Variants in MMP13 observed in about 807,000 individuals in gnomAD.
MMP13 encodes the protein collagenase 3.
A neutral mutation model predicts 52.1 loss-of-function variants in MMP13; 45 were observed. The observed-to-expected ratio is 0.86, with a 90% CI of 0.68 to 1.11. The LOEUF is 1.11. MMP13 is among the 50% of genes least tolerant of loss of function. MMP13 has a pLI of 0.00. For synonymous variants in MMP13, 200 were observed against 204.4 expected, an observed-to-expected ratio of 0.98 and a Z score of 0.18; for missense variants, 576 against 583.8, an observed-to-expected ratio of 0.99 and a Z score of 0.14.
At chr11:102,951,307 C>A (rs1555017283) in intron 5 of MMP13, among the ~76,000 whole-genome samples, 1 of 152,136 alleles carries the variant, frequency 6.6e-6, no homozygotes, top group East Asian at 1.9e-4. Context: ...ACTTTCACCA[C>A]CAACCTTGTT....
chr11:102,954,227 A>G lies in MMP13; in HGVS notation c.566T>C (p.Phe189Ser). The G allele has an allele frequency of 1.9e-6, 3 of 1,613,710 alleles. No individual in the cohort carries two copies. Among genetic ancestry groups the G allele is most frequent in the Non-Finnish European group, 2.5e-6 (3 of 1,179,746 alleles). The change falls in exon 4 of 10, where the codon TTT (phenylalanine) becomes TCT (serine). Residue 189 changes from phenylalanine to serine, a missense_variant. Coordinates refer to ENST00000260302, the MANE Select transcript of MMP13 (RefSeq NM_002427.4). ...TCCTCCATAATTTGGCCCAGGAGGA[A>G]AAGCATGAGCCAGCAGGCCAGAGGG... ...DGPSGLLAHA[F>S]PPGPNYGGDA... is the part of the protein sequence containing the mutation.
chr11:102,945,194 A>C (rs1555016514), intron 9 of MMP13: 4 of 588,624 alleles, frequency 6.8e-6, no homozygotes, highest in Non-Finnish European at 1.1e-5. Context: ...CAGCGAGCTC[A>C]GATTGCGACA....
At position 102,949,908 on chromosome 11, in the gene MMP13, C is replaced by A. The variant is rs1472491407; in HGVS notation, c.917+202G>T. Among the ~76,000 whole-genome samples, 1 of 152,164 alleles carries A rather than the reference C, an allele frequency of 6.6e-6. No homozygotes were observed. The highest frequency in any genetic ancestry group is 1.5e-5 in the Non-Finnish European group (1 of 68,020). On this transcript the variant is annotated intron_variant, in intron 6 of 9. Transcript: ENST00000260302. This position sits in a 1 kb window ranked among gnomAD's most constrained non-coding sequence, Gnocchi z 4.2. ...TAACTAGAGATGTAAAAGGAAGCTA[C>A]ACAATGTCAAGGTTATACGTTGAAA...
intron 9 of MMP13, among the ~76,000 whole-genome samples, chr11:102,945,423 G>A (rs1479204904): frequency 1.3e-5 from 2 of 151,954 alleles, no homozygotes; most frequent in African/African-American, 4.8e-5. Context: ...TTAGCATCTC[G>A]TATTTATAGA....
intron 8 of MMP13, 126 bp downstream of exon 8, chr11:102,947,765 T>C: frequency 2.7e-6 from 3 of 1,091,442 alleles, no homozygotes; most frequent in Non-Finnish European, 4.1e-6. Context: ...AGAGCTGACA[T>C]GGAATGAAAA....
chr11:102,943,962 T>A lies in MMP13; in HGVS notation c.*304A>T. ...TTTCCTTATAAATATATTTTTAAAT[T>A]ATGCTCTCATTGACAGACCATGTGT... On this transcript the variant is annotated 3_prime_UTR_variant, in exon 10 of 10. Coordinates refer to ENST00000260302, the MANE Select transcript of MMP13 (RefSeq NM_002427.4). 3.4e-6 allele frequency: 1 copy of A among 296,986 alleles called. No homozygotes were observed. Among genetic ancestry groups the A allele is most frequent in the South Asian group, 3.8e-5 (1 of 26,452 alleles). The allele number at this position is 296,986 out of a possible 1,614,324, so 18.4% of individuals were successfully genotyped here. A position where few individuals can be genotyped will look rare whatever the true frequency, so the allele number is the denominator to read the frequency against.
At position 102,955,351 on chromosome 11, in the gene MMP13, A is replaced by G. The variant is rs776419636; in HGVS notation, c.263T>C (p.Leu88Ser). ...EVTGKLDDNT[L>S]DVMKKPRCGV... is the part of the protein sequence containing the mutation. ...GCATCTTGGCTTTTTCATGACATCTAAGGTGTTATCGTCAAGTTTGCCAGT... is the reference window on the plus strand; with the variant it reads ...GCATCTTGGCTTTTTCATGACATCTGAGGTGTTATCGTCAAGTTTGCCAGT... Residue 88 changes from leucine (L) to serine (S), a missense_variant, in exon 2 of 10, where the codon TTA (leucine) becomes TCA (serine). By Grantham distance (145) the Leu-to-Ser change is moderately radical. Coordinates refer to ENST00000260302, the MANE Select transcript of MMP13 (RefSeq NM_002427.4). The surrounding 1 kb of genome is among the most constrained non-coding windows in gnomAD (Gnocchi z 4.9). 2 of 1,614,024 alleles carry G rather than the reference A, an allele frequency of 1.2e-6. No homozygotes were observed. The highest frequency in any genetic ancestry group is 3.3e-5 in the Admixed American group (2 of 60,006).
At chr11:102,948,086 G>A (rs781927054) in intron 7 of MMP13, 36 bp from the exon 8 acceptor site, 4 of 1,592,742 alleles carry the variant, frequency 2.5e-6, no homozygotes, top group Non-Finnish European at 3.4e-6. Context: ...ATTATCCAAG[G>A]GAATCTATTA....
chr11:102,944,762 C>T (rs1860469321), intron 9 of MMP13, among the ~76,000 whole-genome samples: 1 of 147,016 alleles, frequency 6.8e-6, no homozygotes, highest in African/African-American at 2.5e-5. Context: ...TGCATGCCAC[C>T]ACTCCCAGCT....
At chr11:102,948,731 T>C (rs1555016957) in intron 7 of MMP13, among the ~76,000 whole-genome samples, 1 of 152,168 alleles carries the variant, frequency 6.6e-6, no homozygotes, top group Non-Finnish European at 1.5e-5. Context: ...AATATATTGG[T>C]ATAATGTTTT....
Position 102,945,693 on chromosome 11 carries a change from T to C in MMP13, c.1268A>G (p.Asp423Gly). ...DKDYPRLIEE[D>G]FPGIGDKVDA... Reference sequence around the variant, plus strand: ...TACTTTATCACCAATTCCTGGGAAGTCTTCTTCTATTAGTCTCGGATAGTC... The same window carrying C: ...TACTTTATCACCAATTCCTGGGAAGCCTTCTTCTATTAGTCTCGGATAGTC... The change falls in exon 9 of 10, where the codon GAC becomes GGC. Residue 423 changes from aspartate (D) to glycine (G), a missense_variant. Physicochemically the swap from Asp to Gly is moderately conservative, Grantham distance 94. Transcript: ENST00000260302. The C allele has an allele frequency of 1.2e-6, 2 of 1,605,090 alleles. No homozygotes were observed. The highest frequency in any genetic ancestry group is 8.5e-7 in the Non-Finnish European group (1 of 1,172,692).
chr11:102,950,683 A>G (rs1860597246), intron 5 of MMP13, among the ~76,000 whole-genome samples: 1 of 152,124 alleles, frequency 6.6e-6, no homozygotes, highest in Non-Finnish European at 1.5e-5. Flanking sequence ...CCAGTTTGCC[A>G]TGGTGCAGCT....
intron 4 of MMP13, among the ~76,000 whole-genome samples, chr11:102,953,115 C>A (rs1860639045): frequency 6.6e-6 from 1 of 152,092 alleles, no homozygotes; most frequent in Non-Finnish European, 1.5e-5. Context: ...GTAATGGATA[C>A]CCCTCTTGGC....
In MMP13 at chr11:102,943,731, A is replaced by C. The variant is rs1860447104; in HGVS notation, c.*535T>G. The C allele has an allele frequency of 3.2e-5, 5 of 156,840 alleles. No homozygotes were observed. The highest frequency in any genetic ancestry group is 3.1e-4 in the Admixed American group (5 of 15,990). The allele number at this position is 156,840 out of a possible 1,614,324, so 9.7% of individuals were successfully genotyped here. On this transcript the variant is annotated 3_prime_UTR_variant, in exon 10 of 10. Transcript: ENST00000260302. ...TTGATATTTCGTTAGTGTCTGTGTG[A>C]AGAAGGGCACATACATCTGAATATC...
At chr11:102,951,686 G>A (rs140207381) in intron 5 of MMP13, among the ~76,000 whole-genome samples, 5 of 152,168 alleles carry the variant, frequency 3.3e-5, no homozygotes, top group African/African-American at 7.2e-5. Context: ...ATATTGTAGC[G>A]TGTACTTACA....
chr11:102,955,697 T>G lies in MMP13; in HGVS notation c.9A>C (p.Pro3=). MH[P]GVLAAFLFLS... The stretch of plus-strand genomic sequence containing the variant: ...AGAAGAGGAAGGCAGCCAGGACCCC[T>G]GGATGCATCTTGAATGGTGATGCCT... The change falls in exon 1 of 10, where the codon CCA becomes CCC. Residue 3 remains proline, a synonymous_variant. Transcript: ENST00000260302. This position sits in a 1 kb window ranked among gnomAD's most constrained non-coding sequence, Gnocchi z 4.9. 1 of 1,613,920 alleles carries G rather than the reference T, an allele frequency of 6.2e-7. No homozygotes were observed. Among genetic ancestry groups the G allele is most frequent in the Non-Finnish European group, 8.5e-7 (1 of 1,179,868 alleles).
At chr11:102,947,006 T>G (rs1478957991) in intron 8 of MMP13, among the ~76,000 whole-genome samples, 1 of 152,188 alleles carries the variant, frequency 6.6e-6, no homozygotes, top group Non-Finnish European at 1.5e-5. Context: ...TCTGGACTCT[T>G]AAATGTTGTT....
rs1248369971 is a variant in MMP13, at chr11:102,943,875, T to A, written c.*391A>T. 5.0e-6 allele frequency: 1 copy of A among 199,322 alleles called. No homozygotes were observed. Among genetic ancestry groups the A allele is most frequent in the Non-Finnish European group, 1.0e-5 (1 of 95,246 alleles). The allele number at this position is 199,322 out of a possible 1,614,324, so 12.3% of individuals were successfully genotyped here. Reference sequence around the variant, plus strand: ...AAATTTCCATTTTCATACTATTTTATACTTTTTAGTAAGAATGATTTATTC... The same window carrying A: ...AAATTTCCATTTTCATACTATTTTAAACTTTTTAGTAAGAATGATTTATTC... On this transcript the variant is annotated 3_prime_UTR_variant, in exon 10 of 10. Coordinates refer to ENST00000260302, the MANE Select transcript of MMP13 (RefSeq NM_002427.4).
chr11:102,945,382 T>C, intron 9 of MMP13: 3 of 841,894 alleles, frequency 3.6e-6, no homozygotes, highest in Non-Finnish European at 4.8e-6. Flanking sequence ...TTTTGGCATC[T>C]TTAAGCATAG....
Sources: gnomAD v4.1 joint callset for allele counts (sites outside exome capture counted in the v4.1 genomes callset) on GRCh38, gnomAD v4.1.1 for gene constraint, Gnocchi (gnomAD v3.1) non-coding constraint, MANE v1.5 for transcripts, NCBI Gene and HGNC (gene_info 2026-07-23, HGNC 2026-07-21) for gene names.